The following FAM200A variants were observed in gnomAD, a reference collection of about 807,000 sequenced individuals.
FAM200A encodes protein FAM200A.
Under a neutral mutation model 44.2 loss-of-function variants are expected in FAM200A, and 26 were observed. That is an observed-to-expected ratio of 0.59 (90% CI 0.43 to 0.82). FAM200A has a LOEUF of 0.82. Among genes scored for constraint, FAM200A ranks in the 40% least tolerant of loss-of-function variants. The probability of loss-of-function intolerance (pLI) is 0.00; values close to 1 mark genes in which losing one functional copy is unlikely to be tolerated. For synonymous variants in FAM200A, 206 were observed against 244.4 expected (o/e 0.84, Z 1.47); for missense variants, 606 against 669.5 (o/e 0.91, Z 1.05).
chr7:99,548,789 T>C (rs147880583), intron 1 of FAM200A, among the ~76,000 whole-genome samples: 3 of 151,058 alleles, frequency 2.0e-5, no homozygotes, highest in Admixed American at 6.6e-5. Flanking sequence ...CCACAGTAAG[T>C]ATAGAACCAG....
Position 99,549,182 on chromosome 7 carries a change from A to ATTTTTTTTTTTTTTTTTTTTTT in FAM200A, c.-99-677_-99-676insAAAAAAAAAAAAAAAAAAAAAA, listed in dbSNP as rs1443044531. 6.1e-4 allele frequency among the ~76,000 whole-genome samples: 84 copies of ATTTTTTTTTTTTTTTTTTTTTT among 138,124 alleles called. 5 individuals are homozygous for ATTTTTTTTTTTTTTTTTTTTTT. The highest frequency in any genetic ancestry group is 4.6e-3 in the East Asian group (15 of 3,268). 90.6% of individuals were successfully genotyped at this position (138,124 alleles called of 152,430 possible). On this transcript the variant is annotated intron_variant, in intron 1 of 1. Transcript: ENST00000449309. ...AAATGAGAACTTGTATTTCTTAAAA[A>ATTTTTTTTTTTTTTTTTTTTTT]TAAGAAATTAAGCTGCATAATTATT...
At chr7:99,549,182 A>ATTTTTTTTTTTTTTTTTTTT (rs1443044531) in intron 1 of FAM200A, among the ~76,000 whole-genome samples, 29 of 138,166 alleles carry the variant, frequency 2.1e-4, no homozygotes, top group East Asian at 1.2e-3. Flanking sequence ...TTTCTTAAAA[A>ATTTTTTTTTTTTTTTTTTTT]TAAGAAATTA....
At chr7:99,552,186 G>A, upstream of FAM200A, 1 of 985,214 alleles carries the variant, frequency 1.0e-6, no homozygotes, top group Non-Finnish European at 1.2e-6. Flanking sequence ...AGGATCGCGG[G>A]AGGACTTTGC....
rs2151131125 is a variant in FAM200A, at chr7:99,552,040, T to C, written c.-286A>G. On this transcript the variant is annotated 5_prime_UTR_variant, in exon 1 of 2. Coordinates refer to ENST00000449309, the MANE Select transcript of FAM200A (RefSeq NM_145111.4). The stretch of plus-strand genomic sequence containing the variant: ...GTCTGGGATGCTGGGATAGAAGGGG[T>C]TGTGACTTTGGGGACCAGGAGCACT... 1.0e-6 allele frequency: 1 copy of C among 985,432 alleles called. No individual in the cohort carries two copies. The highest frequency in any genetic ancestry group is 4.7e-5 in the South Asian group (1 of 21,284). 61.0% of individuals were successfully genotyped at this position (985,432 alleles called of 1,614,324 possible).
At chr7:99,548,846 C>T (rs532332238) in intron 1 of FAM200A, among the ~76,000 whole-genome samples, 1 of 145,558 alleles carries the variant, frequency 6.9e-6, no homozygotes, top group African/African-American at 2.5e-5. Context: ...TGCTGCTACA[C>T]TGCCAACTCT....
intron 1 of FAM200A, 69 bp from the exon 2 acceptor site, chr7:99,548,575 C>A: frequency 1.6e-6 from 2 of 1,245,100 alleles, no homozygotes; most frequent in Middle Eastern, 2.8e-4. Flanking sequence ...ACAACTCATA[C>A]AAAACAATTC....
In FAM200A at chr7:99,546,878, A is replaced by G; in HGVS notation, c.1530T>C (p.Ser510=). 3.2e-6 allele frequency: 5 copies of G among 1,550,314 alleles called. No homozygotes were observed. The highest frequency in any genetic ancestry group is 4.4e-6 in the Non-Finnish European group (5 of 1,146,606). ...IKIKDDFPLL[S]RKSILLLLPF... The stretch of plus-strand genomic sequence containing the variant: ...GTAGTAACAGCAATATACTCTTCCT[A>G]CTTAGCAGTGGAAAGTCATCTTTAA... The change falls in exon 2 of 2, where the codon AGT becomes AGC. Residue 510 remains serine, a synonymous_variant. Transcript: ENST00000449309.
intron 1 of FAM200A, among the ~76,000 whole-genome samples, chr7:99,550,916 A>G (rs1043704496): frequency 2.0e-5 from 3 of 152,076 alleles, no homozygotes; most frequent in Non-Finnish European, 4.4e-5. Context: ...GTCTCTACTA[A>G]AAGTACAAAA....
upstream of FAM200A, among the ~76,000 whole-genome samples, chr7:99,555,878 C>T (rs1446072028): frequency 6.6e-6 from 1 of 152,052 alleles, no homozygotes; most frequent in Non-Finnish European, 1.5e-5. Context: ...TGTACTCCAG[C>T]CTGGGCTACA....
At chr7:99,552,121 C>A, upstream of FAM200A, 3 of 985,522 alleles carry the variant, frequency 3.0e-6, no homozygotes, top group Non-Finnish European at 3.6e-6. Flanking sequence ...TCACAAAAGC[C>A]GGAAGTGCGT....
intron 1 of FAM200A, chr7:99,558,261 C>T (rs1562929005): frequency 6.6e-6 from 1 of 152,232 alleles, no homozygotes; most frequent in Non-Finnish European, 1.5e-5. Flanking sequence ...GAAGCGGGAC[C>T]ATTAGGTCGG....
At chr7:99,552,455 G>A (rs1162810282), upstream of FAM200A, among the ~76,000 whole-genome samples, 3 of 152,186 alleles carry the variant, frequency 2.0e-5, no homozygotes, top group Non-Finnish European at 4.4e-5. Context: ...TTCACAAATC[G>A]AAGGGATTGT....
upstream of FAM200A, among the ~76,000 whole-genome samples, chr7:99,553,002 C>T (rs1198999131): frequency 1.7e-4 from 24 of 142,302 alleles, no homozygotes; most frequent in Non-Finnish European, 2.7e-4. Flanking sequence ...TATATATACA[C>T]ACACATATAT....
chr7:99,551,986 C>A lies in FAM200A; in HGVS notation c.-232G>T, dbSNP rs1271612890. The stretch of plus-strand genomic sequence containing the variant: ...GAGGGGATTGCAGGACACAGCCATG[C>A]ACGTCCAACTCTGTCCCCGCCCGGA... On this transcript the variant is annotated 5_prime_UTR_variant, in exon 1 of 2. Coordinates refer to ENST00000449309, the MANE Select transcript of FAM200A (RefSeq NM_145111.4). The A allele has an allele frequency of 3.0e-6, 3 of 985,560 alleles. No individual in the cohort carries two copies. In the East Asian group the frequency reaches 3.4e-4, roughly 112 times the overall value. The allele number at this position is 985,560 out of a possible 1,614,324, so 61.1% of individuals were successfully genotyped here.
At chr7:99,554,010 C>G (rs1802627186), upstream of FAM200A, among the ~76,000 whole-genome samples, 1 of 152,272 alleles carries the variant, frequency 6.6e-6, no homozygotes, top group South Asian at 2.1e-4. Flanking sequence ...GGAAGACAAG[C>G]TCATTTAGAG....
chr7:99,553,660 G>C (rs1369782093), upstream of FAM200A, among the ~76,000 whole-genome samples: 1 of 152,172 alleles, frequency 6.6e-6, no homozygotes, highest in Non-Finnish European at 1.5e-5. Flanking sequence ...TAGTAATAGA[G>C]GCTACTCCTG....
Position 99,551,350 on chromosome 7 carries a change from C to G in FAM200A, c.-100+504G>C, listed in dbSNP as rs1182389548. Among the ~76,000 whole-genome samples the G allele has an allele frequency of 2.0e-5, 3 of 152,070 alleles. No individual in the cohort carries two copies. In the East Asian group the frequency reaches 5.9e-4, roughly 30 times the overall value. ...AAGCAGCTGGGATTACAGGCGTGTGCCGCCACGTCTAATTTTCTGTATTTC... is the reference window on the plus strand; with the variant it reads ...AAGCAGCTGGGATTACAGGCGTGTGGCGCCACGTCTAATTTTCTGTATTTC... On this transcript the variant is annotated intron_variant, in intron 1 of 1. Transcript: ENST00000449309.
intron 1 of FAM200A, among the ~76,000 whole-genome samples, chr7:99,550,748 C>T (rs567357109): frequency 6.6e-6 from 1 of 152,230 alleles, no homozygotes; most frequent in South Asian, 2.1e-4. Flanking sequence ...CCTCCCACAA[C>T]TGAAAACCCC....
upstream of FAM200A, among the ~76,000 whole-genome samples, chr7:99,553,355 A>C (rs548652004): frequency 1.0e-3 from 154 of 151,996 alleles, 1 homozygote; most frequent in Non-Finnish European, 1.8e-3. Context: ...TGAAGTGCCT[A>C]AAGGGTCCAG....
Sources: gnomAD v4.1 joint callset for allele counts (sites outside exome capture counted in the v4.1 genomes callset) on GRCh38, gnomAD v4.1.1 for gene constraint, MANE v1.5 for transcripts, NCBI Gene and HGNC (gene_info 2026-07-23, HGNC 2026-07-21) for gene names.